Variants in RPRD1A observed in about 807,000 individuals in gnomAD.
RPRD1A encodes regulation of nuclear pre-mRNA domain-containing protein 1A.
In RPRD1A, 9 loss-of-function variants were observed where a neutral mutation model predicts 37.8. That is an observed-to-expected ratio of 0.24 (90% confidence interval 0.14 to 0.42). The LOEUF (loss-of-function observed/expected upper bound fraction) is 0.42, where lower values mean the gene tolerates loss of function less well. RPRD1A is among the 10% of genes least tolerant of loss of function. The probability of loss-of-function intolerance (pLI) is 1.00; values close to 1 mark genes in which losing one functional copy is unlikely to be tolerated. For synonymous variants in RPRD1A, 138 were observed against 139.7 expected, an observed-to-expected ratio of 0.99 and a Z score of 0.08; for missense variants, 255 against 371.0, an observed-to-expected ratio of 0.69 and a Z score of 2.57.
At chr18:36,021,518 C>G (rs1360370658) in intron 6 of RPRD1A, among the ~76,000 whole-genome samples, 1 of 152,184 alleles carries the variant, frequency 6.6e-6, no homozygotes, top group Non-Finnish European at 1.5e-5. Context: ...ATTAAGAATC[C>G]TACCATGGCC....
intron 6 of RPRD1A, among the ~76,000 whole-genome samples, chr18:36,011,971 A>G (rs1910206740): frequency 6.6e-6 from 1 of 152,216 alleles, no homozygotes. Flanking sequence ...GCGTAATTAC[A>G]TCTTACATAA....
chr18:36,004,944 C>T (rs1282499954), intron 6 of RPRD1A, among the ~76,000 whole-genome samples: 1 of 151,758 alleles, frequency 6.6e-6, no homozygotes, highest in Non-Finnish European at 1.5e-5. Flanking sequence ...AAATAGAAGA[C>T]AATATAAATC....
chr18:36,010,169 T>G (rs1461695467), intron 6 of RPRD1A, among the ~76,000 whole-genome samples: 1 of 152,082 alleles, frequency 6.6e-6, no homozygotes, highest in Non-Finnish European at 1.5e-5. Flanking sequence ...CTATAAATTC[T>G]AGGAAAAGCT....
intron 1 of RPRD1A, among the ~76,000 whole-genome samples, chr18:36,049,036 T>C (rs1598656092): frequency 6.6e-6 from 1 of 152,110 alleles, no homozygotes; most frequent in Non-Finnish European, 1.5e-5. Context: ...CAAGTAGCTG[T>C]GATTACAGGC....
chr18:36,018,785 C>A (rs141006519), intron 6 of RPRD1A, among the ~76,000 whole-genome samples: 13 of 151,766 alleles, frequency 8.6e-5, no homozygotes, highest in African/African-American at 3.2e-4. Context: ...AAAACAAAAA[C>A]CAAAATGACA....
At chr18:36,005,815 T>C (rs916955702) in intron 6 of RPRD1A, among the ~76,000 whole-genome samples, 1 of 152,212 alleles carries the variant, frequency 6.6e-6, no homozygotes, top group Non-Finnish European at 1.5e-5. Context: ...CAAGCAGGAA[T>C]TAACTTTGTA....
intron 6 of RPRD1A, among the ~76,000 whole-genome samples, chr18:36,008,474 G>A (rs938289781): frequency 1.3e-5 from 2 of 149,100 alleles, no homozygotes; most frequent in African/African-American, 5.0e-5. Context: ...TATTCAGGAG[G>A]CTGAGTAGTG....
chr18:36,023,325 G>A (rs183733062), intron 6 of RPRD1A, among the ~76,000 whole-genome samples: 13 of 152,342 alleles, frequency 8.5e-5, no homozygotes, highest in African/African-American at 3.1e-4. Flanking sequence ...TGGGGTTCAA[G>A]ACTTCAGTGG....
chr18:36,006,643 G>A (rs1909765838), intron 6 of RPRD1A, among the ~76,000 whole-genome samples: 1 of 152,112 alleles, frequency 6.6e-6, no homozygotes, highest in Non-Finnish European at 1.5e-5. Flanking sequence ...AGGCTTCAAG[G>A]GCAGCATCAC....
chr18:36,060,540 G>A (rs576618682), intron 1 of RPRD1A, among the ~76,000 whole-genome samples: 1 of 152,274 alleles, frequency 6.6e-6, no homozygotes, highest in South Asian at 2.1e-4. Context: ...CATCTTACAA[G>A]TTTAAGCCGT....
intron 6 of RPRD1A, among the ~76,000 whole-genome samples, chr18:35,995,815 G>A (rs941822543): frequency 2.0e-5 from 3 of 152,162 alleles, no homozygotes; most frequent in African/African-American, 7.2e-5. Context: ...TATCACTCAG[G>A]TTGACAGTAT....
intron 1 of RPRD1A, among the ~76,000 whole-genome samples, chr18:36,059,573 A>T (rs537483252): frequency 3.9e-5 from 6 of 152,328 alleles, no homozygotes; most frequent in Admixed American, 2.0e-4. Flanking sequence ...AACCCACATA[A>T]ACAAAAGATT....
intron 6 of RPRD1A, among the ~76,000 whole-genome samples, chr18:36,014,730 G>A (rs974078981): frequency 1.3e-5 from 2 of 152,116 alleles, no homozygotes; most frequent in African/African-American, 2.4e-5. Flanking sequence ...GCAACAAAGC[G>A]AGACTCCGTC....
intron 1 of RPRD1A, among the ~76,000 whole-genome samples, chr18:36,066,842 T>C (rs1273138922): frequency 1.3e-5 from 2 of 152,216 alleles, no homozygotes; most frequent in African/African-American, 2.4e-5. Flanking sequence ...CAAGAATAAG[T>C]TGCTGCGTTA....
intron 6 of RPRD1A, among the ~76,000 whole-genome samples, chr18:36,014,427 C>A (rs532341476): frequency 1.1e-4 from 17 of 152,288 alleles, no homozygotes; most frequent in Middle Eastern, 6.8e-3. Flanking sequence ...TCACTTACAA[C>A]AGAAAACAAC....
intron 1 of RPRD1A, among the ~76,000 whole-genome samples, chr18:36,051,804 C>G (rs1882113156): frequency 6.6e-6 from 1 of 151,740 alleles, no homozygotes; most frequent in African/African-American, 2.4e-5. Flanking sequence ...GTCTGAGGAG[C>G]AGAAAGAAAA....
At chr18:36,016,206 T>C (rs1910559688) in intron 6 of RPRD1A, among the ~76,000 whole-genome samples, 1 of 152,272 alleles carries the variant, frequency 6.6e-6, no homozygotes, top group Middle Eastern at 3.4e-3. Context: ...CCCCATGTCA[T>C]TACAAAGAAT....
intron 1 of RPRD1A, among the ~76,000 whole-genome samples, chr18:36,063,367 C>G (rs2088954405): frequency 6.6e-6 from 1 of 152,100 alleles, no homozygotes; most frequent in Admixed American, 6.6e-5. Context: ...AGGGTTTTGC[C>G]ATGTTGACCA....
chr18:36,048,115 G>A (rs1473608365), intron 1 of RPRD1A, among the ~76,000 whole-genome samples: 2 of 137,860 alleles, frequency 1.5e-5, no homozygotes, highest in South Asian at 2.2e-4. Flanking sequence ...TGCCCAAGCT[G>A]GAGTGCAATG....
Sources: gnomAD v4.1 joint callset for allele counts (sites outside exome capture counted in the v4.1 genomes callset) on GRCh38, gnomAD v4.1.1 for gene constraint, MANE v1.5 for transcripts, NCBI Gene and HGNC (gene_info 2026-07-23, HGNC 2026-07-21) for gene names.